Variants in CTNNA2 observed in about 807,000 individuals in gnomAD.
The protein encoded by CTNNA2 is catenin alpha 2.
Under a neutral mutation model 101.0 loss-of-function variants are expected in CTNNA2, and 42 were observed. That is an observed-to-expected ratio of 0.42 (90% confidence interval 0.32 to 0.54). CTNNA2 has a LOEUF of 0.54. CTNNA2 is among the 20% of genes least tolerant of loss of function. The probability of loss-of-function intolerance (pLI) is 0.14; values close to 1 mark genes in which losing one functional copy is unlikely to be tolerated. For missense variants in CTNNA2, 871 were observed against 1,223.1 expected, an observed-to-expected ratio of 0.71 and a Z score of 4.29; for synonymous variants, 450 against 456.4, an observed-to-expected ratio of 0.99 and a Z score of 0.18.
At chr2:80,388,252 A>C (rs149064898) in intron 7 of CTNNA2, among the ~76,000 whole-genome samples, 1 of 152,296 alleles carries the variant, frequency 6.6e-6, no homozygotes, top group Non-Finnish European at 1.5e-5. Flanking sequence ...CAGTCACTTC[A>C]TCTCTCTAGA....
chr2:80,288,342 C>T (rs910852146), intron 7 of CTNNA2: 2 of 152,082 alleles, frequency 1.3e-5, no homozygotes, highest in Non-Finnish European at 2.9e-5. Flanking sequence ...AAAAAAATAT[C>T]CCTAGGTGTT....
At chr2:79,343,409 G>A (rs1278679016) in intron 3 of CTNNA2, among the ~76,000 whole-genome samples, 1 of 152,160 alleles carries the variant, frequency 6.6e-6, no homozygotes, top group Non-Finnish European at 1.5e-5. Context: ...CTGTAGGCTA[G>A]ACTGCATTCT....
chr2:80,553,231 A>T (rs888831153), intron 11 of CTNNA2, among the ~76,000 whole-genome samples: 1 of 122,390 alleles, frequency 8.2e-6, no homozygotes, highest in Admixed American at 7.9e-5. Context: ...CTCAAAAAAA[A>T]AAATAAAATA....
intron 7 of CTNNA2, among the ~76,000 whole-genome samples, chr2:80,082,624 T>C (rs1699219717): frequency 1.3e-5 from 2 of 152,144 alleles, no homozygotes; most frequent in African/African-American, 4.8e-5. Flanking sequence ...GTTTTAAAAT[T>C]CAAAATAAGT....
intron 7 of CTNNA2, among the ~76,000 whole-genome samples, chr2:80,062,098 C>A (rs1372284354): frequency 6.6e-6 from 1 of 152,158 alleles, no homozygotes; most frequent in African/African-American, 2.4e-5. Flanking sequence ...AGCTTTGAGG[C>A]TTTCAAGATA....
At chr2:79,853,898 C>T (rs753116304) in intron 3 of CTNNA2, among the ~76,000 whole-genome samples, 4 of 152,048 alleles carry the variant, frequency 2.6e-5, no homozygotes, top group Non-Finnish European at 5.9e-5. Context: ...GAACTCCCGA[C>T]CTCAGGTGAT....
At chr2:79,703,152 T>C (rs1573729572) in intron 2 of CTNNA2, among the ~76,000 whole-genome samples, 1 of 152,320 alleles carries the variant, frequency 6.6e-6, no homozygotes, top group Admixed American at 6.5e-5. Context: ...TTCTCCAACT[T>C]AGCAGAGAGG....
At chr2:79,394,581 G>A (rs1405916545) in intron 4 of CTNNA2, among the ~76,000 whole-genome samples, 1 of 152,158 alleles carries the variant, frequency 6.6e-6, no homozygotes, top group African/African-American at 2.4e-5. Flanking sequence ...AGCACACTAA[G>A]ATCAAAATAC....
intron 7 of CTNNA2, among the ~76,000 whole-genome samples, chr2:79,985,432 C>G (rs1359889188): frequency 5.5e-4 from 84 of 151,776 alleles, no homozygotes; most frequent in Non-Finnish European, 2.9e-5. Context: ...GTGCAAACTG[C>G]CTCTTCAGTG....
At chr2:79,916,317 T>C (rs951132830) in intron 7 of CTNNA2, among the ~76,000 whole-genome samples, 1 of 151,882 alleles carries the variant, frequency 6.6e-6, no homozygotes, top group African/African-American at 2.4e-5. Context: ...AGGGGAAGAG[T>C]CCTAATATTC....
chr2:79,215,870 T>G (rs1177414703), intron 2 of CTNNA2, among the ~76,000 whole-genome samples: 8 of 152,102 alleles, frequency 5.3e-5, no homozygotes, highest in South Asian at 2.1e-4. Context: ...GGAAGAATTA[T>G]GACCTAGCTC....
chr2:79,198,843 A>G (rs946311565), intron 2 of CTNNA2, among the ~76,000 whole-genome samples: 3 of 135,750 alleles, frequency 2.2e-5, no homozygotes, highest in African/African-American at 5.4e-5. Context: ...AAGCAAAATC[A>G]TGGCTTACAG....
At chr2:80,461,084 CA>C (rs1214355533) in intron 9 of CTNNA2, among the ~76,000 whole-genome samples, 1 of 152,132 alleles carries the variant, frequency 6.6e-6, no homozygotes, top group African/African-American at 2.4e-5. Flanking sequence ...CTGATTCTGA[CA>C]AAGATTCTTT....
At chr2:80,159,064 G>C (rs1316483212) in intron 7 of CTNNA2, among the ~76,000 whole-genome samples, 3 of 152,194 alleles carry the variant, frequency 2.0e-5, no homozygotes, top group African/African-American at 7.2e-5. Context: ...GTTGTTTCCA[G>C]GTTTGGGCTA....
At chr2:80,141,316 A>AT (rs1261615665) in intron 7 of CTNNA2, among the ~76,000 whole-genome samples, 3 of 151,900 alleles carry the variant, frequency 2.0e-5, no homozygotes, top group South Asian at 2.1e-4. Flanking sequence ...CCTTGAAGGA[A>AT]TTTTTTGAGC....
intron 7 of CTNNA2, among the ~76,000 whole-genome samples, chr2:80,062,810 A>G (rs544704311): frequency 1.4e-5 from 2 of 146,362 alleles, no homozygotes; most frequent in South Asian, 4.3e-4. Flanking sequence ...TGTTCACGCC[A>G]TTCTCCTGCC....
At chr2:80,107,303 C>T (rs917618412) in intron 7 of CTNNA2, among the ~76,000 whole-genome samples, 9 of 152,018 alleles carry the variant, frequency 5.9e-5, no homozygotes, top group African/African-American at 1.7e-4. Context: ...CTATAAAGAC[C>T]GTAGACTCAG....
In CTNNA2 at chr2:79,482,816, G is replaced by A. The variant is rs112383486; in HGVS notation, c.-134-22238G>A. Among the ~76,000 whole-genome samples, 637 of 152,292 alleles carry A rather than the reference G, an allele frequency of 4.2e-3. 4 individuals are homozygous for A. The highest frequency in any genetic ancestry group is 0.014 in the African/African-American group (591 of 41,562). ...CTAGAATAGTGGTTCTCAGACAAGG[G>A]CAATTTCATCCCCAAGGGCTTTTTG... On this transcript the variant is annotated intron_variant, in intron 4 of 21. Coordinates refer to the CTNNA2 transcript ENST00000466387.
intron 8 of CTNNA2, among the ~76,000 whole-genome samples, chr2:80,408,367 A>G (rs1679249913): frequency 1.3e-5 from 2 of 152,164 alleles, no homozygotes; most frequent in African/African-American, 2.4e-5. Context: ...GCTCGTCTCT[A>G]TATCTTGCTT....
Sources: allele counts gnomAD v4.1 joint callset (sites outside exome capture counted in the v4.1 genomes callset), GRCh38; gene constraint gnomAD v4.1.1; transcripts MANE v1.5; gene names NCBI Gene and HGNC (gene_info 2026-07-23, HGNC 2026-07-21).